PTPRD: variants seen among roughly 807,000 people sequenced by gnomAD.
PTPRD encodes receptor-type tyrosine-protein phosphatase delta.
PTPRD carries 34 observed loss-of-function variants against 214.5 expected under a neutral mutation model. That is an observed-to-expected ratio of 0.16 (90% CI 0.12 to 0.21). The LOEUF (loss-of-function observed/expected upper bound fraction) is 0.21, where lower values mean the gene tolerates loss of function less well. Ranked by LOEUF, PTPRD falls within the 10% of genes least tolerant of loss-of-function variation. The pLI, the probability that PTPRD is intolerant of heterozygous loss-of-function variation, is 1.00. For missense variants in PTPRD, 2,545 were observed against 2,398.7 expected (o/e 1.06, Z -1.27); for synonymous variants, 1,128 against 845.7 (o/e 1.33, Z -5.79).
chr9:10,392,038 T>TTTC (rs546815315), intron 2 of PTPRD, among the ~76,000 whole-genome samples: 1 of 151,804 alleles, frequency 6.6e-6, no homozygotes, highest in South Asian at 2.1e-4. Flanking sequence ...ACGTTTTATT[T>TTTC]TTCTTCTTCT....
intron 2 of PTPRD, among the ~76,000 whole-genome samples, chr9:10,565,729 T>A (rs924405130): frequency 6.6e-6 from 1 of 152,016 alleles, no homozygotes; most frequent in Non-Finnish European, 1.5e-5. Context: ...TCAGACGTCA[T>A]CTTACTCTTT....
chr9:8,486,700 CTAA>C (rs2097022747), intron 27 of PTPRD, among the ~76,000 whole-genome samples: 1 of 152,132 alleles, frequency 6.6e-6, no homozygotes, highest in African/African-American at 2.4e-5. Flanking sequence ...TTAGATATGG[CTAA>C]TAAGAATAAC....
chr9:10,572,382 G>C (rs1250667495), intron 2 of PTPRD, among the ~76,000 whole-genome samples: 1 of 152,118 alleles, frequency 6.6e-6, no homozygotes, highest in African/African-American at 2.4e-5. Flanking sequence ...AAAAAGTGCA[G>C]TATTGTTAAG....
intron 5 of PTPRD, among the ~76,000 whole-genome samples, chr9:9,767,678 T>A (rs1185219194): frequency 6.6e-6 from 1 of 152,120 alleles, no homozygotes; most frequent in African/African-American, 2.4e-5. Context: ...TGCCTAAAAT[T>A]TCCAGAAAAA....
In PTPRD at chr9:9,300,957, C is replaced by T. The variant is rs975850844; in HGVS notation, c.-203+96492G>A. Among the ~76,000 whole-genome samples, 5 of 151,692 alleles carry T rather than the reference C, an allele frequency of 3.3e-5. No individual in the cohort carries two copies. The South Asian group carries it at 1.0e-3, about 31-fold the overall frequency. ...CTGTTTTGTGAGTGCTTGGATAATA[C>T]ACTTTTCCCACTAGAGTGTGAACTC... On this transcript the variant is annotated intron_variant, in intron 9 of 45. Coordinates refer to ENST00000381196, the MANE Select transcript of PTPRD (RefSeq NM_002839.4).
At chr9:9,302,508 C>G (rs1242617901) in intron 9 of PTPRD, among the ~76,000 whole-genome samples, 2 of 151,250 alleles carry the variant, frequency 1.3e-5, no homozygotes, top group African/African-American at 4.9e-5. Context: ...TTGATTCCTG[C>G]TTATATTTCC....
At chr9:9,285,556 T>C (rs1015444221) in intron 9 of PTPRD, among the ~76,000 whole-genome samples, 1 of 151,856 alleles carries the variant, frequency 6.6e-6, no homozygotes, top group African/African-American at 2.4e-5. Flanking sequence ...GTGCAAGTGC[T>C]AAATCTAGTG....
chr9:10,159,361 A>G (rs751793686), intron 3 of PTPRD, among the ~76,000 whole-genome samples: 2 of 152,108 alleles, frequency 1.3e-5, no homozygotes, highest in Non-Finnish European at 2.9e-5. Flanking sequence ...TCAGGAAAAA[A>G]TATTGCAAAT....
chr9:10,029,565 G>A (rs1280072975), intron 4 of PTPRD, among the ~76,000 whole-genome samples: 2 of 152,196 alleles, frequency 1.3e-5, no homozygotes, highest in African/African-American at 4.8e-5. Context: ...TGACTGCCCT[G>A]CTGGATTTTG....
intron 36 of PTPRD, among the ~76,000 whole-genome samples, chr9:8,390,773 G>A (rs773578339): frequency 6.6e-6 from 1 of 152,102 alleles, no homozygotes; most frequent in Non-Finnish European, 1.5e-5. Context: ...GTGATTAAGG[G>A]AATGAAAGCT....
chr9:9,719,188 CCTG>C (rs752347590), intron 7 of PTPRD, among the ~76,000 whole-genome samples: 1 of 152,120 alleles, frequency 6.6e-6, no homozygotes, highest in Non-Finnish European at 1.5e-5. Flanking sequence ...GTGAGGATGA[CCTG>C]CCTGCAGATA....
At chr9:8,770,974 T>C (rs2154484841) in intron 11 of PTPRD, among the ~76,000 whole-genome samples, 2 of 152,014 alleles carry the variant, frequency 1.3e-5, no homozygotes. Flanking sequence ...GGTCAGGAGA[T>C]TGAGAACATC....
chr9:9,315,166 C>T (rs891068002), intron 9 of PTPRD, among the ~76,000 whole-genome samples: 1 of 151,934 alleles, frequency 6.6e-6, no homozygotes, highest in Non-Finnish European at 1.5e-5. Flanking sequence ...TCTTTTTCAG[C>T]AGCAAAAGAT....
At chr9:9,291,364 T>C (rs1372402826) in intron 9 of PTPRD, among the ~76,000 whole-genome samples, 1 of 151,414 alleles carries the variant, frequency 6.6e-6, no homozygotes, top group Non-Finnish European at 1.5e-5. Flanking sequence ...AATGCAGACA[T>C]AAAGAAATGT....
At chr9:9,103,955 C>A (rs2099794948) in intron 10 of PTPRD, among the ~76,000 whole-genome samples, 2 of 152,058 alleles carry the variant, frequency 1.3e-5, no homozygotes, top group African/African-American at 2.4e-5. Context: ...TGCACCCCAG[C>A]CTGGGCCATA....
chr9:10,328,357 A>T (rs1429087499), intron 3 of PTPRD, among the ~76,000 whole-genome samples: 2 of 151,698 alleles, frequency 1.3e-5, no homozygotes, highest in Non-Finnish European at 2.9e-5. Context: ...TGCACAGGAG[A>T]CTGTAAAACT....
chr9:10,125,423 T>TTTATTA (rs71485319), intron 3 of PTPRD, among the ~76,000 whole-genome samples: 6,711 of 133,398 alleles, frequency 0.05, 220 homozygotes, highest in Middle Eastern at 0.073. Flanking sequence ...TTTGTTTTAT[T>TTTATTA]TTATTATTAT....
At chr9:8,355,638 C>T (rs1354130002) in intron 39 of PTPRD, among the ~76,000 whole-genome samples, 1 of 152,154 alleles carries the variant, frequency 6.6e-6, no homozygotes, top group Non-Finnish European at 1.5e-5. Context: ...TAATTCAACT[C>T]AATGGATGCA....
intron 2 of PTPRD, among the ~76,000 whole-genome samples, chr9:10,534,738 T>G (rs1191204754): frequency 6.6e-6 from 1 of 152,188 alleles, no homozygotes; most frequent in Non-Finnish European, 1.5e-5. Flanking sequence ...AGATTACTTT[T>G]AATTTTCTAT....
Sources: gnomAD v4.1 joint callset for allele counts (sites outside exome capture counted in the v4.1 genomes callset) on GRCh38, gnomAD v4.1.1 for gene constraint, MANE v1.5 for transcripts, NCBI Gene and HGNC (gene_info 2026-07-23, HGNC 2026-07-21) for gene names.